The following VWA8 variants were observed in gnomAD, a reference collection of about 807,000 sequenced individuals.
VWA8 encodes the protein von Willebrand factor A domain-containing protein 8.
Under a neutral mutation model 241.5 loss-of-function variants are expected in VWA8, and 221 were observed. The observed-to-expected ratio is 0.91, with a 90% confidence interval of 0.82 to 1.02. VWA8 has a LOEUF of 1.02. VWA8 is among the 50% of genes least tolerant of loss of function. The pLI is 0.00. For missense variants in VWA8, 2,322 were observed against 2,328.7 expected, an observed-to-expected ratio of 1.00 and a Z score of 0.06; for synonymous variants, 852 against 827.1, an observed-to-expected ratio of 1.03 and a Z score of -0.52.
At chr13:41,875,923 AC>A (rs1873876643) in intron 9 of VWA8, among the ~76,000 whole-genome samples, 3 of 151,962 alleles carry the variant, frequency 2.0e-5, no homozygotes, top group Non-Finnish European at 2.9e-5. Flanking sequence ...TATGTCCAAT[AC>A]TCAGGTCTGA....
chr13:41,763,902 C>T (rs1396212602), intron 20 of VWA8, among the ~76,000 whole-genome samples: 1 of 152,166 alleles, frequency 6.6e-6, no homozygotes, highest in East Asian at 1.9e-4. Flanking sequence ...GGAGTCCCAG[C>T]TGCCACTAAG....
intron 17 of VWA8, among the ~76,000 whole-genome samples, chr13:41,796,879 TAA>T (rs1869726880): frequency 6.6e-6 from 1 of 152,174 alleles, no homozygotes; most frequent in South Asian, 2.1e-4. Flanking sequence ...ATTTTCATTC[TAA>T]TTTCTTCTTT....
rs1222455250 is a variant in VWA8, at chr13:41,833,509, A to G, written c.1448T>C (p.Leu483Pro). ...LYQDMTARDL[L>P]QQRYTLPNGD... ...ATTTGGAAGGGTGTATCTCTGCTGTAGCAGATCACGCGCTGTCATATCCTA... is the reference window on the plus strand; with the variant it reads ...ATTTGGAAGGGTGTATCTCTGCTGTGGCAGATCACGCGCTGTCATATCCTA... Residue 483 changes from leucine (L) to proline (P), a missense_variant, in exon 13 of 45, where the codon CTA (leucine) becomes CCA (proline). Coordinates refer to ENST00000379310, the MANE Select transcript of VWA8 (RefSeq NM_015058.2). The G allele has an allele frequency of 6.2e-7, 1 of 1,612,278 alleles. No individual in the cohort carries two copies. The highest frequency in any genetic ancestry group is 8.5e-7 in the Non-Finnish European group (1 of 1,179,318).
chr13:41,910,255 T>C (rs1239724751), intron 3 of VWA8, among the ~76,000 whole-genome samples: 1 of 152,146 alleles, frequency 6.6e-6, no homozygotes, highest in African/African-American at 2.4e-5. Context: ...CAGTGAGATA[T>C]TGTGGTCTTT....
chr13:41,847,514 AG>A (rs1416195225), intron 12 of VWA8, among the ~76,000 whole-genome samples: 1 of 152,192 alleles, frequency 6.6e-6, no homozygotes, highest in African/African-American at 2.4e-5. Context: ...ATATCAGTAG[AG>A]GGTCCAGCAG....
chr13:41,874,566 G>A (rs1226451126), intron 9 of VWA8, among the ~76,000 whole-genome samples: 1 of 152,120 alleles, frequency 6.6e-6, no homozygotes, highest in Non-Finnish European at 1.5e-5. Flanking sequence ...GCCAAATCAT[G>A]AGTGAACTCC....
intron 21 of VWA8, among the ~76,000 whole-genome samples, chr13:41,740,104 C>G (rs1449549121): frequency 6.6e-6 from 1 of 151,916 alleles, no homozygotes; most frequent in Admixed American, 6.6e-5. Context: ...ATCTGCCCAC[C>G]TCGGCCTCCC....
At chr13:41,920,532 A>G (rs1876470831) in intron 2 of VWA8, among the ~76,000 whole-genome samples, 1 of 152,242 alleles carries the variant, frequency 6.6e-6, no homozygotes, top group South Asian at 2.1e-4. Context: ...TAAAATTGAT[A>G]GACCGCTAGC....
At chr13:41,574,931 C>T (rs950904099) in intron 43 of VWA8, among the ~76,000 whole-genome samples, 1 of 152,102 alleles carries the variant, frequency 6.6e-6, no homozygotes, top group Admixed American at 6.5e-5. Flanking sequence ...GAAAAGAAGT[C>T]ATTATATTAA....
chr13:41,813,670 T>C (rs1870566158), intron 16 of VWA8, among the ~76,000 whole-genome samples: 1 of 152,146 alleles, frequency 6.6e-6, no homozygotes. Context: ...ATTCTCCAGT[T>C]CTTCTAGTTG....
intron 39 of VWA8, among the ~76,000 whole-genome samples, chr13:41,605,816 G>A (rs2044550264): frequency 6.6e-6 from 1 of 152,182 alleles, no homozygotes; most frequent in Admixed American, 6.6e-5. Context: ...GTATCCCTAT[G>A]TGAGAGTTTT....
intron 2 of VWA8, among the ~76,000 whole-genome samples, chr13:41,920,597 TA>T (rs1206679919): frequency 6.6e-6 from 1 of 151,862 alleles, no homozygotes; most frequent in African/African-American, 2.4e-5. Flanking sequence ...TAAAAAATGA[TA>T]AAGGGGATAT....
intron 12 of VWA8, among the ~76,000 whole-genome samples, chr13:41,842,561 C>T (rs1039521139): frequency 1.3e-5 from 2 of 152,150 alleles, no homozygotes; most frequent in Non-Finnish European, 1.5e-5. Flanking sequence ...AAGATTTATA[C>T]TATGAACACA....
At chr13:41,786,364 T>C (rs1344937499) in intron 18 of VWA8, among the ~76,000 whole-genome samples, 2 of 152,186 alleles carry the variant, frequency 1.3e-5, no homozygotes, top group African/African-American at 4.8e-5. Flanking sequence ...AAGATTGTTG[T>C]GTGAACACGG....
chr13:41,651,762 C>T (rs2044871059), intron 37 of VWA8, among the ~76,000 whole-genome samples: 2 of 152,058 alleles, frequency 1.3e-5, no homozygotes, highest in Non-Finnish European at 2.9e-5. Flanking sequence ...AAAGGTGGTG[C>T]AATTTGCCAG....
At chr13:41,907,728 A>C (rs774919416) in intron 3 of VWA8, 32 bp from the exon 4 acceptor site, 3 of 1,579,562 alleles carry the variant, frequency 1.9e-6, no homozygotes, top group Admixed American at 3.3e-5. Context: ...TATTCCAAAA[A>C]TAAAATCAAA....
At chr13:41,846,824 G>A (rs1440208568) in intron 12 of VWA8, among the ~76,000 whole-genome samples, 1 of 152,088 alleles carries the variant, frequency 6.6e-6, no homozygotes, top group Non-Finnish European at 1.5e-5. Flanking sequence ...ATCACCTGAG[G>A]CCAGGAGTTC....
At chr13:41,760,418 T>C (rs748943153) in intron 21 of VWA8, among the ~76,000 whole-genome samples, 9 of 152,014 alleles carry the variant, frequency 5.9e-5, no homozygotes, top group Non-Finnish European at 1.0e-4. Flanking sequence ...CTAACTCTTA[T>C]AACTCAATTC....
At chr13:41,732,186 G>A in intron 21 of VWA8, 31 bp from the exon 22 acceptor site, 1 of 1,585,524 alleles carries the variant, frequency 6.3e-7, no homozygotes, top group Non-Finnish European at 8.6e-7. Context: ...TTTATAGTTA[G>A]GAAGGAAATA....
Sources: gnomAD v4.1 joint callset for allele counts (sites outside exome capture counted in the v4.1 genomes callset) on GRCh38, gnomAD v4.1.1 for gene constraint, MANE v1.5 for transcripts, NCBI Gene and HGNC (gene_info 2026-07-23, HGNC 2026-07-21) for gene names.